VPS13C: variants seen among roughly 807,000 people sequenced by gnomAD.
VPS13C encodes vacuolar protein sorting 13 homolog C.
A neutral mutation model predicts 456.8 loss-of-function variants in VPS13C; 358 were observed. That is an observed-to-expected ratio of 0.78 (90% CI 0.72 to 0.86). The LOEUF is 0.86. VPS13C is among the 40% of genes least tolerant of loss of function. The pLI is 0.00. For synonymous variants in VPS13C, 1,578 were observed against 1,486.7 expected, an observed-to-expected ratio of 1.06 and a Z score of -1.41; for missense variants, 4,818 against 4,385.4, an observed-to-expected ratio of 1.10 and a Z score of -2.79.
In VPS13C at chr15:61,956,693, A is replaced by G. The variant is rs114146427; in HGVS notation, c.4165+1915T>C. On this transcript the variant is annotated intron_variant, in intron 37 of 84. Transcript: ENST00000644861. Reference sequence around the variant, plus strand: ...TATCCAAATGGCCAATAACCATATGAAAAGGTGATCACCTTCACCAGTAAT... The same window carrying G: ...TATCCAAATGGCCAATAACCATATGGAAAGGTGATCACCTTCACCAGTAAT... 9.0e-4 allele frequency among the ~76,000 whole-genome samples: 137 copies of G among 152,238 alleles called. 2 individuals are homozygous for G. The highest frequency in any genetic ancestry group is 3.1e-3 in the African/African-American group (129 of 41,556).
intron 77 of VPS13C, among the ~76,000 whole-genome samples, chr15:61,873,959 TACAC>T (rs67985179): frequency 6.7e-6 from 1 of 149,730 alleles, no homozygotes; most frequent in African/African-American, 2.5e-5. Flanking sequence ...GAAAATGTGA[TACAC>T]ACACACACAC....
intron 17 of VPS13C, 121 bp from the exon 18 acceptor site, chr15:61,991,215 C>A: frequency 1.4e-6 from 1 of 715,226 alleles, no homozygotes; most frequent in Non-Finnish European, 2.3e-6. Flanking sequence ...GCAAAATTAG[C>A]CAGGTAATAT....
chr15:62,057,346 AATTAAT>A (rs1181820194), intron 1 of VPS13C, among the ~76,000 whole-genome samples: 1 of 152,232 alleles, frequency 6.6e-6, no homozygotes, highest in Non-Finnish European at 1.5e-5. Flanking sequence ...TATTTTATTA[AATTAAT>A]ATTCCCATTT....
At chr15:61,903,599 C>T (rs1359987609) in intron 66 of VPS13C, among the ~76,000 whole-genome samples, 2 of 151,976 alleles carry the variant, frequency 1.3e-5, no homozygotes, top group East Asian at 1.9e-4. Context: ...TCTACAAGAC[C>T]AATGCAATCC....
intron 55 of VPS13C, 55 bp from the exon 56 acceptor site, chr15:61,920,702 T>C: frequency 6.7e-7 from 1 of 1,494,906 alleles, no homozygotes; most frequent in East Asian, 2.4e-5. Flanking sequence ...GATAATAAAA[T>C]AAAAATGCTG....
intron 1 of VPS13C, among the ~76,000 whole-genome samples, chr15:62,051,798 G>A (rs773464001): frequency 1.6e-4 from 24 of 152,296 alleles, no homozygotes; most frequent in Admixed American, 2.6e-4. Flanking sequence ...AGAAGAAAAC[G>A]TAGTGCCACA....
At chr15:61,856,154 T>G (rs1381176328) in intron 83 of VPS13C, 132 bp downstream of exon 83, 3 of 1,094,950 alleles carry the variant, frequency 2.7e-6, no homozygotes, top group Non-Finnish European at 3.8e-6. Context: ...ATAAATTGAT[T>G]ACATCTTTCT....
intron 74 of VPS13C, 44 bp downstream of exon 74, chr15:61,878,563 C>T: frequency 6.3e-7 from 1 of 1,591,660 alleles, no homozygotes; most frequent in Non-Finnish European, 8.5e-7. Flanking sequence ...AGAAACATGA[C>T]CTTGGTACAC....
Position 61,867,724 on chromosome 15 carries a change from T to A in VPS13C, c.10863+935A>T. 3 of 1,406,264 alleles carry A rather than the reference T, an allele frequency of 2.1e-6. No homozygotes were observed. Among genetic ancestry groups the A allele is most frequent in the Non-Finnish European group, 2.8e-6 (3 of 1,081,832 alleles). The allele number at this position is 1,406,264 out of a possible 1,614,324, so 87.1% of individuals were successfully genotyped here. ...CATCCTTTAATATTTTATACTAATC[T>A]CTTATTTCTGGACAGTATTACCAGG... On this transcript the variant is annotated intron_variant, in intron 81 of 84. Coordinates refer to ENST00000644861, the MANE Select transcript of VPS13C (RefSeq NM_020821.3). The surrounding 1 kb of genome is among the most constrained non-coding windows in gnomAD (Gnocchi z 5.0).
chr15:61,954,634 T>A (rs2044923783), intron 37 of VPS13C, 80 bp from the exon 38 acceptor site: 3 of 1,396,838 alleles, frequency 2.1e-6, no homozygotes, highest in Admixed American at 5.5e-5. Flanking sequence ...ATATGAGTAT[T>A]CTGGACCTGG....
In VPS13C at chr15:61,873,386, G is replaced by A. The variant is rs374500860; in HGVS notation, c.10438C>T (p.Arg3480Ter). The A allele has an allele frequency of 2.5e-5, 41 of 1,613,168 alleles. No homozygotes were observed. The highest frequency in any genetic ancestry group is 2.5e-4 in the Admixed American group (15 of 59,912). Residue 3480 changes from arginine (R) to a stop codon, truncating the protein, a stop_gained, in exon 78 of 85, where the codon CGA (arginine) becomes TGA (stop). Transcript: ENST00000644861. LOFTEE classifies it high-confidence loss of function. ...CCTTTCCCAACAGAACCGGTGATTC[G>A]AGATACAACTCCTGCTGCACCACCT... ...TVGGAAGVVS[R>*]ITGSVGKGLA...
chr15:61,927,467 T>G, intron 51 of VPS13C, 147 bp from the exon 52 acceptor site: 1 of 615,516 alleles, frequency 1.6e-6, no homozygotes, highest in Non-Finnish European at 2.8e-6. Context: ...TAATTAATAC[T>G]AATTATTAAA....
At chr15:61,950,517 G>T in intron 40 of VPS13C, 100 bp from the exon 41 acceptor site, 3 of 844,772 alleles carry the variant, frequency 3.6e-6, no homozygotes, top group Non-Finnish European at 5.3e-6. Context: ...GCTATTAAAA[G>T]AGTAAAAAGA....
At position 61,878,720 on chromosome 15, in the gene VPS13C, G is replaced by A. The variant is rs148021100; in HGVS notation, c.10029C>T (p.Ser3343=). The A allele has an allele frequency of 4.7e-4, 749 of 1,607,620 alleles. 1 individual carries two copies. The highest frequency in any genetic ancestry group is 6.1e-4 in the Non-Finnish European group (716 of 1,177,350). ...VKLHLSLSLG[S]GGEESDKEKQ... ...TTTCTTTGTCTGATTCTTCACCTCC[G>A]GAACCCAAAGACAAACTCAAATGCA... The change falls in exon 74 of 85, where the codon TCC becomes TCT. Residue 3343 remains serine (S), a synonymous_variant. Transcript: ENST00000644861.
intron 17 of VPS13C, 85 bp from the exon 18 acceptor site, chr15:61,991,179 T>C (rs2046213934): frequency 9.6e-7 from 1 of 1,041,048 alleles, no homozygotes; most frequent in African/African-American, 1.6e-5. Context: ...ACAAGTATCC[T>C]AAAATCAACA....
At chr15:61,925,570 T>A (rs751661018) in intron 52 of VPS13C, 22 bp from the exon 53 acceptor site, 30 of 1,519,718 alleles carry the variant, frequency 2.0e-5, no homozygotes, top group Non-Finnish European at 2.7e-5. Context: ...TAAATGAAAT[T>A]CACATTTCCA....
At chr15:61,899,970 A>C (rs2042946822) in intron 66 of VPS13C, among the ~76,000 whole-genome samples, 1 of 152,184 alleles carries the variant, frequency 6.6e-6, no homozygotes, top group African/African-American at 2.4e-5. Context: ...ACACAAATCA[A>C]TAAATGTAAT....
In VPS13C at chr15:62,001,788, G is replaced by A. The variant is rs369955089; in HGVS notation, c.1291-1162C>T. Among the ~76,000 whole-genome samples, 91 of 152,210 alleles carry A rather than the reference G, an allele frequency of 6.0e-4. 1 individual carries two copies. The highest frequency in any genetic ancestry group is 2.5e-3 in the South Asian group (12 of 4,822). On this transcript the variant is annotated intron_variant, in intron 15 of 84. Transcript: ENST00000644861. ...GCGGTGTTTGGTTTTTTGTTCTTGC[G>A]ATAGTTTACTGAGAATGATGATTTC...
chr15:61,864,068 G>C (rs1050747668), intron 81 of VPS13C: 1 of 154,032 alleles, frequency 6.5e-6, no homozygotes, highest in Non-Finnish European at 1.4e-5. Flanking sequence ...GGTTTACATA[G>C]AGGTATTAGT....
Sources: allele counts gnomAD v4.1 joint callset (sites outside exome capture counted in the v4.1 genomes callset), GRCh38; gene constraint gnomAD v4.1.1; non-coding constraint Gnocchi (gnomAD v3.1); transcripts MANE v1.5; gene names NCBI Gene and HGNC (gene_info 2026-07-23, HGNC 2026-07-21).